Variants in ZRANB3 observed in about 807,000 individuals in gnomAD.
ZRANB3 encodes the protein DNA annealing helicase and endonuclease ZRANB3.
In ZRANB3, 125 loss-of-function variants were observed where a neutral mutation model predicts 133.8. The ratio of observed to expected loss-of-function variants is 0.93; its 90% CI spans 0.81 to 1.08. The LOEUF (loss-of-function observed/expected upper bound fraction) is 1.08. Ranked by LOEUF, ZRANB3 falls within the 50% of genes least tolerant of loss-of-function variation. ZRANB3 has a pLI of 0.00. For missense variants in ZRANB3, 1,229 were observed against 1,275.5 expected (o/e 0.96, Z 0.56); for synonymous variants, 387 against 432.7 (o/e 0.89, Z 1.31).
intron 2 of ZRANB3, among the ~76,000 whole-genome samples, chr2:135,392,754 C>CACA (rs1005654953): frequency 2.7e-4 from 41 of 151,938 alleles, no homozygotes; most frequent in Middle Eastern, 3.4e-3. Context: ...TCTCAAAAAC[C>CACA]ACAACAACAA....
intron 1 of ZRANB3, among the ~76,000 whole-genome samples, chr2:135,521,336 C>T (rs1341646167): frequency 6.6e-6 from 1 of 152,096 alleles, no homozygotes; most frequent in African/African-American, 2.4e-5. Flanking sequence ...ATCATGAGGT[C>T]AGGAGTTCAA....
intron 2 of ZRANB3, 104 bp from the exon 3 acceptor site, chr2:135,390,924 G>GA: frequency 8.3e-7 from 1 of 1,209,576 alleles, no homozygotes; most frequent in Non-Finnish European, 1.1e-6. Context: ...GCAGTGGTGC[G>GA]ATCTCAGCTC....
At chr2:135,220,384 C>T (rs60916395) in intron 15 of ZRANB3, among the ~76,000 whole-genome samples, 9,369 of 149,738 alleles carry the variant, frequency 0.063, 571 homozygotes, top group African/African-American at 0.16. Flanking sequence ...TGGAGAAAAA[C>T]ATACAAAAAG....
intron 11 of ZRANB3, among the ~76,000 whole-genome samples, chr2:135,268,459 G>C (rs544024238): frequency 6.6e-6 from 1 of 152,090 alleles, no homozygotes; most frequent in Non-Finnish European, 1.5e-5. Context: ...GAGCCACCAC[G>C]CCCAGCCAGA....
chr2:135,234,602 G>C (rs7557319), intron 12 of ZRANB3, among the ~76,000 whole-genome samples: 9,443 of 152,192 alleles, frequency 0.062, 577 homozygotes, highest in African/African-American at 0.16. Flanking sequence ...TCAGACCACA[G>C]TGCAATCAAA....
At chr2:135,488,833 C>A (rs1009559717) in intron 2 of ZRANB3, among the ~76,000 whole-genome samples, 1 of 150,060 alleles carries the variant, frequency 6.7e-6, no homozygotes, top group Non-Finnish European at 1.5e-5. Flanking sequence ...ATATAGCATA[C>A]CATATTTGAT....
intron 2 of ZRANB3, among the ~76,000 whole-genome samples, chr2:135,414,767 G>A (rs185762713): frequency 2.0e-5 from 3 of 152,126 alleles, no homozygotes; most frequent in Non-Finnish European, 4.4e-5. Flanking sequence ...TCAGACCACA[G>A]TGCAATCAAA....
chr2:135,482,178 T>A (rs1214142768), intron 2 of ZRANB3, among the ~76,000 whole-genome samples: 4 of 140,524 alleles, frequency 2.8e-5, no homozygotes, highest in Non-Finnish European at 5.9e-5. Context: ...TTGATGGGGA[T>A]GGCATTGAAT....
chr2:135,355,207 A>G, intron 3 of ZRANB3: 1 of 984,800 alleles, frequency 1.0e-6, no homozygotes, highest in Non-Finnish European at 1.2e-6. Context: ...CTTAGAATTC[A>G]TGCAAAGTTA....
chr2:135,426,915 C>A (rs1689120525), intron 2 of ZRANB3, among the ~76,000 whole-genome samples: 7 of 65,510 alleles, frequency 1.1e-4, no homozygotes, highest in Admixed American at 2.0e-4. Context: ...TATATATGTG[C>A]AAATCAATAA....
intron 8 of ZRANB3, among the ~76,000 whole-genome samples, chr2:135,308,732 C>A (rs1278964992): frequency 6.6e-6 from 1 of 152,162 alleles, no homozygotes; most frequent in Non-Finnish European, 1.5e-5. Flanking sequence ...TCCCAAAGTG[C>A]TGGGATTACA....
intron 14 of ZRANB3, among the ~76,000 whole-genome samples, chr2:135,225,627 T>C (rs909984728): frequency 6.6e-6 from 1 of 152,196 alleles, no homozygotes; most frequent in East Asian, 1.9e-4. Flanking sequence ...ACACTACACA[T>C]GAGGTATATG....
At chr2:135,275,569 C>T (rs1680769194) in intron 9 of ZRANB3, 67 bp downstream of exon 9, 2 of 1,357,148 alleles carry the variant, frequency 1.5e-6, no homozygotes, top group African/African-American at 1.5e-5. Context: ...TATGAGACTA[C>T]AACTGATGTT....
At chr2:135,401,043 G>C (rs925915294) in intron 2 of ZRANB3, among the ~76,000 whole-genome samples, 1 of 152,086 alleles carries the variant, frequency 6.6e-6, no homozygotes, top group African/African-American at 2.4e-5. Context: ...TTTGCATTTA[G>C]GATTATATGA....
At chr2:135,505,077 C>T (rs1410442617) in intron 1 of ZRANB3, among the ~76,000 whole-genome samples, 1 of 151,948 alleles carries the variant, frequency 6.6e-6, no homozygotes, top group Non-Finnish European at 1.5e-5. Flanking sequence ...AGCACTTTGC[C>T]TGATTAACAC....
In ZRANB3 at chr2:135,345,536, A is replaced by G. The variant is rs373268357; in HGVS notation, c.677+14T>C. The G allele has an allele frequency of 1.0e-5, 16 of 1,581,754 alleles. No homozygotes were observed. The highest frequency in any genetic ancestry group is 1.3e-5 in the Non-Finnish European group (15 of 1,163,884). Reference sequence around the variant, plus strand: ...CATGTGAGGAAAAAATTTACGGAAAATAGTTTAACTTACCTGATGTGTGCA... The same window carrying G: ...CATGTGAGGAAAAAATTTACGGAAAGTAGTTTAACTTACCTGATGTGTGCA... On this transcript the variant is annotated intron_variant, in intron 6 of 20. Coordinates refer to ENST00000264159, the MANE Select transcript of ZRANB3 (RefSeq NM_032143.4).
chr2:135,219,060 T>A lies in ZRANB3; in HGVS notation c.2352+17A>T. 7.1e-7 allele frequency: 1 copy of A among 1,416,414 alleles called. No individual in the cohort carries two copies. Among genetic ancestry groups the A allele is most frequent in the Non-Finnish European group, 9.3e-7 (1 of 1,075,296 alleles). The allele number at this position is 1,416,414 out of a possible 1,614,324, so 87.7% of individuals were successfully genotyped here. On this transcript the variant is annotated intron_variant, in intron 16 of 20. Transcript: ENST00000264159. Reference sequence around the variant, plus strand: ...ATTTAAAGTAAATAAAGCCATTTTATTTAAAACTATTCTTACCAGTGAGCG... The same window carrying A: ...ATTTAAAGTAAATAAAGCCATTTTAATTAAAACTATTCTTACCAGTGAGCG...
intron 3 of ZRANB3, among the ~76,000 whole-genome samples, chr2:135,362,265 G>A (rs1685729907): frequency 6.6e-6 from 1 of 152,062 alleles, no homozygotes; most frequent in Non-Finnish European, 1.5e-5. Flanking sequence ...TCTCATAAGG[G>A]ACTAGGAAAA....
intron 12 of ZRANB3, among the ~76,000 whole-genome samples, chr2:135,241,848 A>G (rs1359135762): frequency 6.6e-6 from 1 of 152,152 alleles, no homozygotes; most frequent in Non-Finnish European, 1.5e-5. Context: ...GTGGTACTGG[A>G]GTAGAGGATT....
Sources: gnomAD v4.1 joint callset for allele counts (sites outside exome capture counted in the v4.1 genomes callset) on GRCh38, gnomAD v4.1.1 for gene constraint, MANE v1.5 for transcripts, NCBI Gene and HGNC (gene_info 2026-07-23, HGNC 2026-07-21) for gene names.